SNTB1: variants seen among roughly 807,000 people sequenced by gnomAD.
SNTB1 encodes the protein beta-1-syntrophin.
In SNTB1, 36 loss-of-function variants were observed where a neutral mutation model predicts 48.9. That is an observed-to-expected ratio of 0.74 (90% confidence interval 0.56 to 0.97). The LOEUF is 0.97. Among genes scored for constraint, SNTB1 ranks in the 50% least tolerant of loss-of-function variants. The pLI is 0.00. For missense variants in SNTB1, 786 were observed against 703.4 expected, an observed-to-expected ratio of 1.12 and a Z score of -1.33; for synonymous variants, 299 against 294.6, an observed-to-expected ratio of 1.01 and a Z score of -0.15.
At chr8:120,686,070 C>T (rs1263382421) in intron 2 of SNTB1, among the ~76,000 whole-genome samples, 1 of 152,200 alleles carries the variant, frequency 6.6e-6, no homozygotes, top group East Asian at 1.9e-4. Context: ...ACCATGGCCA[C>T]ATAAGATAAT....
chr8:120,677,448 G>T (rs2129806126), intron 2 of SNTB1, among the ~76,000 whole-genome samples: 1 of 152,314 alleles, frequency 6.6e-6, no homozygotes, highest in Non-Finnish European at 1.5e-5. Context: ...GGATTAGACA[G>T]AAGTATATAA....
intron 3 of SNTB1, among the ~76,000 whole-genome samples, chr8:120,580,112 G>A (rs1275577162): frequency 6.6e-6 from 1 of 152,186 alleles, no homozygotes; most frequent in Non-Finnish European, 1.5e-5. Flanking sequence ...GGCTGGAACT[G>A]CTTCAGCTAC....
intron 3 of SNTB1, among the ~76,000 whole-genome samples, chr8:120,615,464 A>C (rs1283510798): frequency 2.6e-5 from 4 of 152,204 alleles, no homozygotes; most frequent in Non-Finnish European, 5.9e-5. Flanking sequence ...AAGATGATGA[A>C]TATGGGGCCT....
At chr8:120,594,528 G>T (rs370034034) in intron 3 of SNTB1, among the ~76,000 whole-genome samples, 1 of 151,880 alleles carries the variant, frequency 6.6e-6, no homozygotes, top group African/African-American at 2.4e-5. Flanking sequence ...GTGAGCCACC[G>T]CACTCAACCA....
Position 120,557,538 on chromosome 8 carries a change from G to A in SNTB1, c.1137-8580C>T, listed in dbSNP as rs1283289207. Reference sequence around the variant, plus strand: ...TAGATGTTGGGGAAAACAAACTTCTGTTGCCAGCAAAGTGATCTACTGGAG... The same window carrying A: ...TAGATGTTGGGGAAAACAAACTTCTATTGCCAGCAAAGTGATCTACTGGAG... On this transcript the variant is annotated intron_variant, in intron 4 of 6. Coordinates refer to ENST00000517992, the MANE Select transcript of SNTB1 (RefSeq NM_021021.4). Among the ~76,000 whole-genome samples, 3 of 152,318 alleles carry A rather than the reference G, an allele frequency of 2.0e-5. No homozygotes were observed. The East Asian group carries it at 5.8e-4, about 29-fold the overall frequency.
At position 120,538,373 on chromosome 8, in the gene SNTB1, T is replaced by C; in HGVS notation, c.*504A>G. On this transcript the variant is annotated 3_prime_UTR_variant, in exon 7 of 7. Coordinates refer to ENST00000517992, the MANE Select transcript of SNTB1 (RefSeq NM_021021.4). ...AGGTGGGTTTCTATTTGAAATATTT[T>C]TCTTTTCCTACAAGGGAAAGTCAAC... is the stretch of plus-strand genomic sequence containing the variant. The C allele has an allele frequency of 4.5e-6, 1 of 222,092 alleles. No individual in the cohort carries two copies. The highest frequency in any genetic ancestry group is 2.2e-5 in the African/African-American group (1 of 45,234). 13.8% of individuals were successfully genotyped at this position (222,092 alleles called of 1,614,324 possible). A position where few individuals can be genotyped will look rare whatever the true frequency, so the allele number is the denominator to read the frequency against.
At chr8:120,782,869 G>A (rs1819852902) in intron 1 of SNTB1, among the ~76,000 whole-genome samples, 1 of 152,022 alleles carries the variant, frequency 6.6e-6, no homozygotes. Flanking sequence ...TTTACCTTTT[G>A]CTTTTTCACT....
intron 1 of SNTB1, among the ~76,000 whole-genome samples, chr8:120,810,970 G>A (rs948979798): frequency 6.6e-6 from 1 of 152,102 alleles, no homozygotes; most frequent in African/African-American, 2.4e-5. Flanking sequence ...ATGAAACAAC[G>A]TATACTAAGC....
intron 6 of SNTB1, 24 bp downstream of exon 6, chr8:120,541,786 C>A: frequency 6.5e-7 from 1 of 1,535,288 alleles, no homozygotes; most frequent in African/African-American, 1.4e-5. Context: ...TGAAATCACA[C>A]TGTCTAAAGA....
At chr8:120,540,776 G>A (rs143593287) in intron 6 of SNTB1, among the ~76,000 whole-genome samples, 39 of 152,296 alleles carry the variant, frequency 2.6e-4, no homozygotes, top group African/African-American at 8.9e-4. Flanking sequence ...TGTCAGCCAC[G>A]AGGAATGGCC....
At chr8:120,553,984 C>T (rs1815524251) in intron 4 of SNTB1, among the ~76,000 whole-genome samples, 2 of 152,042 alleles carry the variant, frequency 1.3e-5, no homozygotes, top group African/African-American at 2.4e-5. Context: ...GGGAACAGAG[C>T]GAGACTCCGT....
chr8:120,719,587 C>G (rs1227552468), intron 1 of SNTB1, among the ~76,000 whole-genome samples: 1 of 152,172 alleles, frequency 6.6e-6, no homozygotes, highest in Admixed American at 6.5e-5. Flanking sequence ...CATCATTGCT[C>G]CATGTAATTC....
chr8:120,750,983 G>A (rs4871122), intron 1 of SNTB1, among the ~76,000 whole-genome samples: 19,739 of 151,874 alleles, frequency 0.13, 1,664 homozygotes, highest in African/African-American at 0.23. Context: ...CTATTATGAC[G>A]TTGTCTTCTA....
Position 120,717,388 on chromosome 8 carries a change from T to G in SNTB1, c.572-23480A>C, listed in dbSNP as rs188533629. 1.5e-4 allele frequency among the ~76,000 whole-genome samples: 23 copies of G among 152,344 alleles called. No homozygotes were observed. In the East Asian group the frequency reaches 4.4e-3, roughly 29 times the overall value. On this transcript the variant is annotated intron_variant, in intron 1 of 6. Transcript: ENST00000517992. ...TCGAGAGCTAGAACACAGAGCCCTT[T>G]GCAGAGAGACAGCCCAAGCTGAAGG...
chr8:120,744,121 A>T (rs1446159047), intron 1 of SNTB1, among the ~76,000 whole-genome samples: 6 of 136,102 alleles, frequency 4.4e-5, no homozygotes, highest in Admixed American at 8.0e-5. Flanking sequence ...CCCTGTCTCA[A>T]TTTTTTTTTT....
At chr8:120,616,587 G>A (rs575341085) in intron 3 of SNTB1, among the ~76,000 whole-genome samples, 1 of 151,916 alleles carries the variant, frequency 6.6e-6, no homozygotes, top group Non-Finnish European at 1.5e-5. Flanking sequence ...AAAGTGCTGG[G>A]ATTGCAGGCA....
chr8:120,593,536 G>A (rs1456453510), intron 3 of SNTB1, among the ~76,000 whole-genome samples: 2 of 152,194 alleles, frequency 1.3e-5, no homozygotes, highest in Non-Finnish European at 2.9e-5. Flanking sequence ...TGGACAAAAG[G>A]AAGGAAACAA....
Position 120,641,885 on chromosome 8 carries a change from T to C in SNTB1, c.789-9234A>G, listed in dbSNP as rs557422278. ...AAAAATGGATGAATTTTTGTTTGCT[T>C]TCATTTTTTGTTGTTACCTGAAGTG... On this transcript the variant is annotated intron_variant, in intron 2 of 6. Transcript: ENST00000517992. 2.5e-4 allele frequency among the ~76,000 whole-genome samples: 38 copies of C among 152,352 alleles called. No individual in the cohort carries two copies. In the South Asian group the frequency reaches 7.4e-3, roughly 30 times the overall value.
chr8:120,612,299 C>T (rs1816639555), intron 3 of SNTB1, among the ~76,000 whole-genome samples: 1 of 152,144 alleles, frequency 6.6e-6, no homozygotes, highest in East Asian at 1.9e-4. Flanking sequence ...GTTATTACAT[C>T]CCTTTCACAG....
Sources: gnomAD v4.1 joint callset for allele counts (sites outside exome capture counted in the v4.1 genomes callset) on GRCh38, gnomAD v4.1.1 for gene constraint, MANE v1.5 for transcripts, NCBI Gene and HGNC (gene_info 2026-07-23, HGNC 2026-07-21) for gene names.